Variants in SLC38A9 observed in about 807,000 individuals in gnomAD.
The protein encoded by SLC38A9 is neutral amino acid transporter 9.
A neutral mutation model predicts 62.3 loss-of-function variants in SLC38A9; 48 were observed. That is an observed-to-expected ratio of 0.77 (90% CI 0.61 to 0.98). The LOEUF is 0.98. Among genes scored for constraint, SLC38A9 ranks in the 50% least tolerant of loss-of-function variants. The probability of loss-of-function intolerance (pLI) is 0.00; values close to 1 mark genes in which losing one functional copy is unlikely to be tolerated. For synonymous variants in SLC38A9, 204 were observed against 227.7 expected (o/e 0.90, Z 0.94); for missense variants, 541 against 679.8 (o/e 0.80, Z 2.27).
chr5:55,628,097 C>T, intron 14 of SLC38A9, 117 bp from the exon 15 acceptor site: 3 of 648,212 alleles, frequency 4.6e-6, no homozygotes, highest in South Asian at 4.3e-5. Flanking sequence ...ATGTCTTAAG[C>T]TTGATAAAAT....
At chr5:55,709,723 T>C (rs1757752908) in intron 2 of SLC38A9, among the ~76,000 whole-genome samples, 1 of 152,202 alleles carries the variant, frequency 6.6e-6, no homozygotes, top group African/African-American at 2.4e-5. Flanking sequence ...AGCATATTAT[T>C]TTATGTATGT....
At chr5:55,688,304 A>T (rs1431901335) in intron 3 of SLC38A9, among the ~76,000 whole-genome samples, 1 of 151,304 alleles carries the variant, frequency 6.6e-6, no homozygotes, top group African/African-American at 2.4e-5. Context: ...GTTGAATAGG[A>T]GTAGTGAGGG....
rs182600973 is a variant in SLC38A9, at chr5:55,712,246, A to G, written c.-112T>C. 4.0e-3 allele frequency: 607 copies of G among 152,694 alleles called. 2 individuals are homozygous for G. The highest frequency in any genetic ancestry group is 7.0e-3 in the Non-Finnish European group (475 of 68,076). 9.5% of individuals were successfully genotyped at this position (152,694 alleles called of 1,614,324 possible). A position where few individuals can be genotyped will look rare whatever the true frequency, so the allele number is the denominator to read the frequency against. On this transcript the variant is annotated 5_prime_UTR_variant, in exon 1 of 16. Transcript: ENST00000396865. The stretch of plus-strand genomic sequence containing the variant: ...GCAGGCCGAGCCTTCAACCTCGGAG[A>G]ACTAGACGAGAAGATAAAGATTCCC...
intron 9 of SLC38A9, among the ~76,000 whole-genome samples, chr5:55,654,180 A>T (rs1036293449): frequency 6.6e-6 from 1 of 152,168 alleles, no homozygotes; most frequent in African/African-American, 2.4e-5. Context: ...TCTATTTTTA[A>T]TTTTATTCTC....
At chr5:55,635,007 T>C (rs578025360) in intron 13 of SLC38A9, 1 of 151,648 alleles carries the variant, frequency 6.6e-6, no homozygotes, top group African/African-American at 2.4e-5. Context: ...TGGTGACTCA[T>C]AGGACATCTC....
At chr5:55,693,286 A>G (rs1436478244) in intron 3 of SLC38A9, 1 of 152,218 alleles carries the variant, frequency 6.6e-6, no homozygotes, top group Non-Finnish European at 1.5e-5. Flanking sequence ...GTGGCATACT[A>G]TACACACTGC....
chr5:55,655,602 GA>G (rs1561347998), intron 9 of SLC38A9, among the ~76,000 whole-genome samples: 1 of 151,920 alleles, frequency 6.6e-6, no homozygotes, highest in African/African-American at 2.4e-5. Context: ...TAATTAGGGG[GA>G]AAAGTAAGAC....
chr5:55,703,330 A>T (rs969393229), intron 2 of SLC38A9, among the ~76,000 whole-genome samples: 1 of 152,196 alleles, frequency 6.6e-6, no homozygotes, highest in Admixed American at 6.5e-5. Flanking sequence ...TTTCAGCTCA[A>T]ATCTATACCA....
chr5:55,665,648 C>T (rs934827606), intron 7 of SLC38A9, among the ~76,000 whole-genome samples: 45 of 151,370 alleles, frequency 3.0e-4, no homozygotes, highest in African/African-American at 1.0e-3. Flanking sequence ...TTCTAGCAAC[C>T]GAAGAAACAA....
chr5:55,702,149 G>C lies in SLC38A9; in HGVS notation c.-34-4157C>G, dbSNP rs1580435920. On this transcript the variant is annotated intron_variant, in intron 2 of 15. Coordinates refer to ENST00000396865, the MANE Select transcript of SLC38A9 (RefSeq NM_173514.4). Reference sequence around the variant, plus strand: ...CCTGTATCTAACACTCACTACCTGTGTAACTTAGCATTAACAATTTAATCT... The same window carrying C: ...CCTGTATCTAACACTCACTACCTGTCTAACTTAGCATTAACAATTTAATCT... Among the ~76,000 whole-genome samples the C allele has an allele frequency of 2.0e-5, 3 of 152,168 alleles. No homozygotes were observed. In the East Asian group the frequency reaches 5.8e-4, roughly 29 times the overall value.
At chr5:55,679,092 A>AGACT (rs1554063416) in intron 3 of SLC38A9, among the ~76,000 whole-genome samples, 4 of 151,642 alleles carry the variant, frequency 2.6e-5, no homozygotes, top group African/African-American at 9.7e-5. Flanking sequence ...AATTTTATCA[A>AGACT]GATTATGTCT....
chr5:55,639,045 C>T (rs1239062818), intron 12 of SLC38A9, among the ~76,000 whole-genome samples: 4 of 151,966 alleles, frequency 2.6e-5, no homozygotes, highest in South Asian at 4.1e-4. Context: ...TGGCCAGGCG[C>T]GGTGGTTCAC....
chr5:55,654,755 A>G (rs1229781191), intron 9 of SLC38A9, among the ~76,000 whole-genome samples: 4 of 152,202 alleles, frequency 2.6e-5, no homozygotes, highest in Non-Finnish European at 5.9e-5. Context: ...TGGTGTTGAC[A>G]GTATCTACCA....
chr5:55,662,864 A>G (rs565257036), intron 8 of SLC38A9, among the ~76,000 whole-genome samples: 1 of 151,580 alleles, frequency 6.6e-6, no homozygotes, highest in South Asian at 2.1e-4. Context: ...GGAATACAGA[A>G]CTACCTAAGC....
chr5:55,696,706 C>G (rs1755830084), intron 3 of SLC38A9: 1 of 118,854 alleles, frequency 8.4e-6, no homozygotes, highest in African/African-American at 2.9e-5. Context: ...GGGGCTGACC[C>G]CCCCACCTCC....
intron 3 of SLC38A9, chr5:55,691,076 G>T (rs1004881130): frequency 1.5e-6 from 1 of 674,460 alleles, no homozygotes; most frequent in East Asian, 2.7e-5. Flanking sequence ...GCATACCTAG[G>T]TTGTTTGAAG....
At chr5:55,706,940 T>A (rs537527086) in intron 2 of SLC38A9, among the ~76,000 whole-genome samples, 9 of 151,618 alleles carry the variant, frequency 5.9e-5, no homozygotes, top group Non-Finnish European at 8.8e-5. Context: ...ACAACAGATA[T>A]GCTTTCTTTT....
intron 2 of SLC38A9, among the ~76,000 whole-genome samples, chr5:55,700,341 TA>T (rs1435040510): frequency 3.2e-5 from 2 of 62,524 alleles, no homozygotes; most frequent in African/African-American, 4.9e-5. Flanking sequence ...AGACCCCAAT[TA>T]AAAAAAATAA....
chr5:55,671,502 C>CTTTTTTTTTTTT (rs145470405), intron 4 of SLC38A9, among the ~76,000 whole-genome samples: 1 of 144,352 alleles, frequency 6.9e-6, no homozygotes, highest in African/African-American at 2.5e-5. Context: ...GTTTCCCATT[C>CTTTTTTTTTTTT]TTCTTTTTTT....
Sources: allele counts gnomAD v4.1 joint callset (sites outside exome capture counted in the v4.1 genomes callset), GRCh38; gene constraint gnomAD v4.1.1; transcripts MANE v1.5; gene names NCBI Gene and HGNC (gene_info 2026-07-23, HGNC 2026-07-21).